Variants in TNNI3K observed in about 807,000 individuals in gnomAD.
The protein encoded by TNNI3K is serine/threonine-protein kinase TNNI3K.
A neutral mutation model predicts 114.5 loss-of-function variants in TNNI3K; 140 were observed. That is an observed-to-expected ratio of 1.22 (90% CI 1.07 to 1.41). TNNI3K has a LOEUF of 1.41. TNNI3K is among the 40% of genes most tolerant of loss of function. The probability of loss-of-function intolerance (pLI) is 0.00; values close to 1 mark genes in which losing one functional copy is unlikely to be tolerated. For synonymous variants in TNNI3K, 347 were observed against 347.5 expected, an observed-to-expected ratio of 1.00 and a Z score of 0.02; for missense variants, 1,125 against 1,007.6, an observed-to-expected ratio of 1.12 and a Z score of -1.58.
intron 17 of TNNI3K, among the ~76,000 whole-genome samples, chr1:74,387,380 G>A (rs1056528113): frequency 2.6e-5 from 4 of 152,132 alleles, no homozygotes; most frequent in South Asian, 2.1e-4. Flanking sequence ...CATGAAAATC[G>A]TATTTTGGTC....
At chr1:74,247,182 G>A (rs535076010) in intron 2 of TNNI3K, among the ~76,000 whole-genome samples, 22 of 152,224 alleles carry the variant, frequency 1.4e-4, no homozygotes, top group South Asian at 6.2e-4. Flanking sequence ...GACGTGTTCC[G>A]AGTTTCTTCC....
intron 11 of TNNI3K, among the ~76,000 whole-genome samples, chr1:74,363,047 A>G (rs1450348940): frequency 6.6e-6 from 1 of 152,038 alleles, no homozygotes; most frequent in African/African-American, 2.4e-5. Context: ...ATAGGAAAAC[A>G]TTTTATTTAA....
chr1:74,360,121 T>C (rs1334831728), intron 11 of TNNI3K, among the ~76,000 whole-genome samples: 2 of 151,988 alleles, frequency 1.3e-5, no homozygotes, highest in East Asian at 3.9e-4. Context: ...ATCACTATTT[T>C]AATTCAGATC....
chr1:74,441,082 G>A (rs147166931), intron 20 of TNNI3K, among the ~76,000 whole-genome samples: 1 of 151,976 alleles, frequency 6.6e-6, no homozygotes, highest in African/African-American at 2.4e-5. Context: ...TTAAAAATAG[G>A]GTTTATTTAG....
intron 17 of TNNI3K, among the ~76,000 whole-genome samples, chr1:74,434,501 A>G (rs748726690): frequency 2.0e-5 from 3 of 151,912 alleles, no homozygotes; most frequent in Admixed American, 6.6e-5. Flanking sequence ...GCACATATTT[A>G]TACACTTACT....
At chr1:74,439,647 T>C in intron 20 of TNNI3K, 25 bp downstream of exon 20, 3 of 1,611,676 alleles carry the variant, frequency 1.9e-6, no homozygotes, top group Non-Finnish European at 2.5e-6. Context: ...AATTGAAGTT[T>C]TCCTGTTTTA....
intron 2 of TNNI3K, among the ~76,000 whole-genome samples, chr1:74,242,822 G>A (rs1039587338): frequency 1.3e-5 from 2 of 152,126 alleles, no homozygotes; most frequent in East Asian, 3.9e-4. Context: ...TGAAATCATT[G>A]AGAAGCAACT....
intron 23 of TNNI3K, among the ~76,000 whole-genome samples, chr1:74,528,251 G>C (rs143864029): frequency 6.6e-6 from 1 of 152,166 alleles, no homozygotes; most frequent in Non-Finnish European, 1.5e-5. Context: ...GAAGGTGTAC[G>C]TGTGGGCAGG....
chr1:74,413,380 A>G (rs1167371621), intron 17 of TNNI3K, among the ~76,000 whole-genome samples: 2 of 152,174 alleles, frequency 1.3e-5, no homozygotes, highest in Non-Finnish European at 2.9e-5. Context: ...TACAAAGAAC[A>G]TTTCACACCT....
At chr1:74,255,801 G>A (rs976904300) in intron 4 of TNNI3K, among the ~76,000 whole-genome samples, 1 of 151,896 alleles carries the variant, frequency 6.6e-6, no homozygotes, top group South Asian at 2.1e-4. Context: ...CTTCTCACCT[G>A]GTCTCTGGAA....
In TNNI3K at chr1:74,271,609, A is replaced by G. The variant is rs200636963; in HGVS notation, c.345A>G (p.Glu115=). The change falls in exon 5 of 25, where the codon GAA becomes GAG. Residue 115 remains glutamate, a synonymous_variant. Transcript: ENST00000326637. ...LHLAVYKDNA[E]LITSLLHSGA... is the part of the protein sequence containing the mutation. ...ATGTTTCCTTACAGGATAATGCAGA[A>G]TTGATCACTTCTCTGCTTCACAGTG... 12 of 1,604,540 alleles carry G rather than the reference A, an allele frequency of 7.5e-6. No homozygotes were observed. The African/African-American group carries it at 1.3e-4, about 18-fold the overall frequency.
intron 17 of TNNI3K, among the ~76,000 whole-genome samples, chr1:74,426,091 C>T (rs531547056): frequency 6.6e-6 from 1 of 152,182 alleles, no homozygotes; most frequent in African/African-American, 2.4e-5. Context: ...TTTTAACCTG[C>T]CCTTTTGCAG....
intron 20 of TNNI3K, among the ~76,000 whole-genome samples, chr1:74,442,348 A>G (rs936620056): frequency 2.0e-5 from 3 of 152,026 alleles, no homozygotes; most frequent in African/African-American, 2.4e-5. Context: ...TCAATACCAC[A>G]CTATCTTACT....
chr1:74,487,305 G>A (rs1668815527), intron 21 of TNNI3K, among the ~76,000 whole-genome samples: 2 of 152,116 alleles, frequency 1.3e-5, no homozygotes, highest in Admixed American at 1.3e-4. Flanking sequence ...CAAAAGTGAG[G>A]GCAAATTATG....
chr1:74,448,262 A>T (rs1412390209), intron 20 of TNNI3K, among the ~76,000 whole-genome samples: 2 of 53,774 alleles, frequency 3.7e-5, no homozygotes, highest in Non-Finnish European at 7.2e-5. Flanking sequence ...GAGTATAATA[A>T]AAAAAAAAAA....
intron 21 of TNNI3K, among the ~76,000 whole-genome samples, chr1:74,477,921 C>T (rs1188185358): frequency 1.3e-5 from 2 of 152,188 alleles, no homozygotes; most frequent in Admixed American, 1.3e-4. Context: ...ATTAGAAACA[C>T]ATTACAGCTT....
chr1:74,304,240 TGAAA>T (rs773263480), intron 5 of TNNI3K, among the ~76,000 whole-genome samples: 2 of 152,202 alleles, frequency 1.3e-5, no homozygotes, highest in African/African-American at 2.4e-5. Context: ...AAATCTTTCA[TGAAA>T]GAAAGAGTCA....
chr1:74,470,921 T>C (rs1667896029), intron 21 of TNNI3K: 1 of 400,628 alleles, frequency 2.5e-6, no homozygotes, highest in African/African-American at 2.1e-5. Flanking sequence ...GACTCCGTTG[T>C]CCCTTGGTCA....
chr1:74,348,178 G>A (rs1570498527), intron 9 of TNNI3K, among the ~76,000 whole-genome samples: 2 of 152,126 alleles, frequency 1.3e-5, no homozygotes, highest in African/African-American at 4.8e-5. Flanking sequence ...TTTTGTATAA[G>A]GTGTAAGGAA....
Sources: gnomAD v4.1 joint callset for allele counts (sites outside exome capture counted in the v4.1 genomes callset) on GRCh38, gnomAD v4.1.1 for gene constraint, MANE v1.5 for transcripts, NCBI Gene and HGNC (gene_info 2026-07-23, HGNC 2026-07-21) for gene names.